Variants in RIT2 observed in about 807,000 individuals in gnomAD.
RIT2 encodes the protein GTP-binding protein Rit2.
In RIT2, 24 loss-of-function variants were observed where a neutral mutation model predicts 23.7. The observed-to-expected ratio is 1.01, with a 90% confidence interval of 0.73 to 1.43. The LOEUF (loss-of-function observed/expected upper bound fraction) is 1.43, where lower values mean the gene tolerates loss of function less well. Among genes scored for constraint, RIT2 ranks in the 40% most tolerant of loss-of-function variants. The pLI is 0.00. For missense variants in RIT2, 236 were observed against 266.9 expected (o/e 0.88, Z 0.81); for synonymous variants, 107 against 91.1 (o/e 1.17, Z -0.99).
At chr18:43,062,279 A>G (rs12966275) in intron 1 of RIT2, among the ~76,000 whole-genome samples, 1 of 152,144 alleles carries the variant, frequency 6.6e-6, no homozygotes, top group Non-Finnish European at 1.5e-5. Flanking sequence ...TCCTTAAAAA[A>G]TTGAGAGTAA....
intron 3 of RIT2, among the ~76,000 whole-genome samples, chr18:42,971,222 A>C (rs982780048): frequency 6.6e-6 from 1 of 152,138 alleles, no homozygotes; most frequent in African/African-American, 2.4e-5. Context: ...TGTTTCCTAC[A>C]GGGAACATAA....
intron 1 of RIT2, among the ~76,000 whole-genome samples, chr18:43,102,901 A>G (rs755493677): frequency 5.9e-5 from 9 of 151,954 alleles, no homozygotes; most frequent in Non-Finnish European, 1.0e-4. Context: ...TGATCTGCCC[A>G]CCTCGGCCTC....
At chr18:42,856,615 A>T (rs1907187840) in intron 4 of RIT2, among the ~76,000 whole-genome samples, 2 of 137,870 alleles carry the variant, frequency 1.5e-5, no homozygotes, top group South Asian at 5.4e-4. Context: ...AACACAAGAC[A>T]AACAGTCACA....
intron 3 of RIT2, among the ~76,000 whole-genome samples, chr18:42,932,152 A>G (rs1343045973): frequency 6.6e-6 from 1 of 152,170 alleles, no homozygotes; most frequent in Non-Finnish European, 1.5e-5. Flanking sequence ...AGAAATGAGG[A>G]AAGTGGTCAT....
intron 4 of RIT2, among the ~76,000 whole-genome samples, chr18:42,873,940 C>T (rs1033825893): frequency 2.6e-5 from 4 of 152,068 alleles, no homozygotes; most frequent in Non-Finnish European, 2.9e-5. Flanking sequence ...CCTGGGGGAA[C>T]ACAACATCAC....
At chr18:42,806,857 G>C (rs2143969550) in intron 4 of RIT2, among the ~76,000 whole-genome samples, 1 of 152,278 alleles carries the variant, frequency 6.6e-6, no homozygotes, top group East Asian at 1.9e-4. Context: ...TAATAGCTGA[G>C]TCCATACTTA....
chr18:43,094,376 G>A (rs1913500761), intron 1 of RIT2, among the ~76,000 whole-genome samples: 1 of 151,716 alleles, frequency 6.6e-6, no homozygotes. Flanking sequence ...CTCATAATGT[G>A]GATCAGTGGT....
intron 4 of RIT2, among the ~76,000 whole-genome samples, chr18:42,802,030 T>C (rs1905553457): frequency 6.6e-6 from 1 of 152,108 alleles, no homozygotes; most frequent in Non-Finnish European, 1.5e-5. Flanking sequence ...TTTATCTGAC[T>C]TATTAAAAAG....
At chr18:42,767,681 G>T (rs147258715) in intron 4 of RIT2, among the ~76,000 whole-genome samples, 70 of 152,126 alleles carry the variant, frequency 4.6e-4, no homozygotes, top group African/African-American at 1.6e-3. Flanking sequence ...GAATGATGTG[G>T]TTTGGCTCTG....
At chr18:42,985,537 T>C (rs965471327) in intron 2 of RIT2, among the ~76,000 whole-genome samples, 15 of 152,306 alleles carry the variant, frequency 9.8e-5, no homozygotes, top group Non-Finnish European at 2.2e-4. Context: ...AGTGTGATAC[T>C]GGCACATGGG....
intron 1 of RIT2, among the ~76,000 whole-genome samples, chr18:43,091,171 T>C (rs2144360465): frequency 6.6e-6 from 1 of 151,800 alleles, no homozygotes; most frequent in South Asian, 2.1e-4. Context: ...ATATTATATA[T>C]TTCATTTACT....
rs528393590 is a variant in RIT2, at chr18:43,050,092, T to C, written c.104-16225A>G. ...CCCAGGATGGAGTACAGTGGCACAA[T>C]TATGGCTCACTGCAGGCTTGAATTC... On this transcript the variant is annotated intron_variant, in intron 1 of 4. Coordinates refer to ENST00000326695, the MANE Select transcript of RIT2 (RefSeq NM_002930.4). 1.3e-4 allele frequency among the ~76,000 whole-genome samples: 19 copies of C among 149,724 alleles called. No individual in the cohort carries two copies. The East Asian group carries it at 3.5e-3, about 27-fold the overall frequency.
At chr18:43,053,353 A>G (rs1912428141) in intron 1 of RIT2, among the ~76,000 whole-genome samples, 1 of 152,022 alleles carries the variant, frequency 6.6e-6, no homozygotes, top group Non-Finnish European at 1.5e-5. Context: ...CTGGATTTCA[A>G]TCCCAGGCAG....
intron 4 of RIT2, among the ~76,000 whole-genome samples, chr18:42,893,105 G>A (rs1370012686): frequency 1.3e-5 from 2 of 151,854 alleles, no homozygotes; most frequent in African/African-American, 4.8e-5. Context: ...GTGCGTGCCT[G>A]TAATACCAGC....
chr18:42,876,699 G>T (rs1195409409), intron 4 of RIT2, among the ~76,000 whole-genome samples: 2 of 151,536 alleles, frequency 1.3e-5, no homozygotes, highest in Non-Finnish European at 3.0e-5. Context: ...TTTTAGTACA[G>T]GTTTTTTTTT....
In RIT2 at chr18:42,743,783, G is replaced by C. The variant is rs903580014; in HGVS notation, c.427-63C>G. ...AGAAAGACTCTTCAATTAAAAATACGTTCTCTACTAGAGCTGTGTGTCAGG... is the reference window on the plus strand; with the variant it reads ...AGAAAGACTCTTCAATTAAAAATACCTTCTCTACTAGAGCTGTGTGTCAGG... On this transcript the variant is annotated intron_variant, in intron 4 of 4. Transcript: ENST00000326695. 5 of 1,266,972 alleles carry C rather than the reference G, an allele frequency of 3.9e-6. No homozygotes were observed. The Admixed American group carries it at 1.1e-4, about 28-fold the overall frequency. 78.5% of individuals were successfully genotyped at this position (1,266,972 alleles called of 1,614,324 possible).
chr18:43,028,716 G>A (rs1054890080), intron 2 of RIT2, among the ~76,000 whole-genome samples: 1 of 151,808 alleles, frequency 6.6e-6, no homozygotes, highest in Non-Finnish European at 1.5e-5. Flanking sequence ...GTAGACCATG[G>A]CTCTGTGGTT....
chr18:42,765,316 C>T (rs1276424805), intron 4 of RIT2, among the ~76,000 whole-genome samples: 1 of 152,288 alleles, frequency 6.6e-6, no homozygotes, highest in African/African-American at 2.4e-5. Flanking sequence ...GAACAATAAA[C>T]TTTAACTTGG....
At chr18:42,962,112 C>T (rs1771209124) in intron 3 of RIT2, among the ~76,000 whole-genome samples, 1 of 152,164 alleles carries the variant, frequency 6.6e-6, no homozygotes, top group Admixed American at 6.5e-5. Flanking sequence ...CAGACTACTA[C>T]CATACTTACA....
Sources: gnomAD v4.1 joint callset for allele counts (sites outside exome capture counted in the v4.1 genomes callset) on GRCh38, gnomAD v4.1.1 for gene constraint, MANE v1.5 for transcripts, NCBI Gene and HGNC (gene_info 2026-07-23, HGNC 2026-07-21) for gene names.